Variants in TSPAN14 observed in about 807,000 individuals in gnomAD.
TSPAN14 encodes the protein tetraspanin 14.
TSPAN14 carries 16 observed loss-of-function variants against 36.6 expected under a neutral mutation model. The ratio of observed to expected loss-of-function variants is 0.44; its 90% CI spans 0.30 to 0.66. The LOEUF (loss-of-function observed/expected upper bound fraction) is 0.66. Among genes scored for constraint, TSPAN14 ranks in the 30% least tolerant of loss-of-function variants. TSPAN14 has a pLI of 0.12. For missense variants in TSPAN14, 231 were observed against 355.1 expected (o/e 0.65, Z 2.81); for synonymous variants, 139 against 143.8 (o/e 0.97, Z 0.24).
At chr10:80,464,144 A>G (rs1448341036) in intron 1 of TSPAN14, among the ~76,000 whole-genome samples, 3 of 152,140 alleles carry the variant, frequency 2.0e-5, no homozygotes, top group East Asian at 3.9e-4. Flanking sequence ...GGTTGCAGCA[A>G]GCTGGAGCTG....
chr10:80,509,667 G>A lies in TSPAN14; in HGVS notation c.450+196G>A. The A allele has an allele frequency of 1.6e-6, 1 of 611,866 alleles. No individual in the cohort carries two copies. 37.9% of individuals were successfully genotyped at this position (611,866 alleles called of 1,614,324 possible). A position where few individuals can be genotyped will look rare whatever the true frequency, so the allele number is the denominator to read the frequency against. On this transcript the variant is annotated intron_variant, in intron 5 of 8. Coordinates refer to ENST00000429989, the Ensembl canonical transcript of TSPAN14. The surrounding 1 kb of genome is among the most constrained non-coding windows in gnomAD (Gnocchi z 4.7). The stretch of plus-strand genomic sequence containing the variant: ...CGGCTTGTGGTTGCCTGGTGGGCCA[G>A]CCCTTTCCCATTGGGATTGGGCAGG...
Position 80,509,250 on chromosome 10 carries a change from G to T in TSPAN14, c.280-51G>T, listed in dbSNP as rs745354057. 6.3e-7 allele frequency: 1 copy of T among 1,579,618 alleles called. No homozygotes were observed. Among genetic ancestry groups the T allele is most frequent in the South Asian group, 1.2e-5 (1 of 85,974 alleles). On this transcript the variant is annotated intron_variant, in intron 4 of 8. Transcript: ENST00000429989. This position sits in a 1 kb window ranked among gnomAD's most constrained non-coding sequence, Gnocchi z 4.7. ...GGTCAGGTGGGGTTATGTGTGTGGG[G>T]GTGCAGGCTGGTGGGGTGGTGACTT...
At chr10:80,493,434 C>G (rs370768584) in intron 2 of TSPAN14, among the ~76,000 whole-genome samples, 1 of 152,072 alleles carries the variant, frequency 6.6e-6, no homozygotes, top group African/African-American at 2.4e-5. Context: ...AGCAGGATCT[C>G]GAAGAGATAT....
exon 4 of TSPAN14, chr10:80,507,243 C>G: frequency 1.2e-6 from 2 of 1,614,216 alleles, no homozygotes; most frequent in Non-Finnish European, 1.7e-6. Context: ...GCTGTCCGAC[C>G]TCACCAAAGT....
intron 2 of TSPAN14, among the ~76,000 whole-genome samples, chr10:80,503,710 T>G (rs1382646891): frequency 2.0e-5 from 3 of 152,204 alleles, no homozygotes; most frequent in African/African-American, 7.2e-5. Context: ...GGGCTTTCCT[T>G]GAGCCCTTTC....
chr10:80,470,434 A>T (rs1210218319), intron 1 of TSPAN14, among the ~76,000 whole-genome samples: 1 of 152,228 alleles, frequency 6.6e-6, no homozygotes, highest in Non-Finnish European at 1.5e-5. Context: ...GAACCTGTGG[A>T]TATATGGAAG....
At chr10:80,481,263 A>G (rs543899665) in intron 1 of TSPAN14, among the ~76,000 whole-genome samples, 2 of 152,352 alleles carry the variant, frequency 1.3e-5, no homozygotes, top group South Asian at 4.1e-4. Flanking sequence ...ACTGGTCCAG[A>G]TGGAAGGATC....
chr10:80,512,713 A>G (rs1840724603), intron 6 of TSPAN14, among the ~76,000 whole-genome samples: 1 of 151,934 alleles, frequency 6.6e-6, no homozygotes, highest in South Asian at 2.1e-4. Flanking sequence ...TTTATTTTTG[A>G]GACAGGGTCT....
chr10:80,464,010 A>G (rs561573191), intron 1 of TSPAN14, among the ~76,000 whole-genome samples: 1 of 152,250 alleles, frequency 6.6e-6, no homozygotes, highest in African/African-American at 2.4e-5. Context: ...CTGTGCCCCT[A>G]AAAGTGTGAG....
chr10:80,518,046 C>T (rs1214341032), exon 9 of TSPAN14: 70 of 1,488,994 alleles, frequency 4.7e-5, no homozygotes, highest in Non-Finnish European at 5.8e-5. Context: ...ATCAGCCCTA[C>T]GTCCAGAGGG....
chr10:80,483,730 G>T (rs1166566746), intron 1 of TSPAN14, among the ~76,000 whole-genome samples: 1 of 151,742 alleles, frequency 6.6e-6, no homozygotes, highest in African/African-American at 2.4e-5. Flanking sequence ...CCAACATGGT[G>T]AAACTCCTGT....
chr10:80,473,603 C>T (rs1411565303), intron 1 of TSPAN14, among the ~76,000 whole-genome samples: 3 of 151,436 alleles, frequency 2.0e-5, no homozygotes, highest in Admixed American at 6.6e-5. Context: ...GCCCCCCTGA[C>T]GTTGTGCAGC....
chr10:80,486,105 GCTGTGAGAGTCT>G (rs1305765460), intron 1 of TSPAN14, among the ~76,000 whole-genome samples: 2 of 152,222 alleles, frequency 1.3e-5, no homozygotes, highest in Non-Finnish European at 1.5e-5. Flanking sequence ...TTAGGACGTG[GCTGTGAGAGTCT>G]CTGACGGGTG....
chr10:80,493,022 T>C (rs1848005863), intron 2 of TSPAN14, among the ~76,000 whole-genome samples: 1 of 152,192 alleles, frequency 6.6e-6, no homozygotes, highest in Non-Finnish European at 1.5e-5. Flanking sequence ...GAGAATGGAA[T>C]GGGCTTCATG....
chr10:80,513,979 GAGACGCC>G lies in TSPAN14; in HGVS notation c.577-36_577-30del, dbSNP rs780800949. Reference sequence around the variant, plus strand: ...TAGAGCCTCTTAGCACCAGCTTCTTGAGACGCCAGAAGCAACTAATTTTTCTGCTTTT... The same window carrying G: ...TAGAGCCTCTTAGCACCAGCTTCTTGAGAAGCAACTAATTTTTCTGCTTTT... On this transcript the variant is annotated intron_variant, in intron 6 of 8. Transcript: ENST00000429989. 2.7e-5 allele frequency: 44 copies of G among 1,602,690 alleles called. No individual in the cohort carries two copies. In the East Asian group the frequency reaches 9.2e-4, roughly 33 times the overall value.
chr10:80,465,999 C>A (rs944052634), intron 1 of TSPAN14, among the ~76,000 whole-genome samples: 2 of 152,060 alleles, frequency 1.3e-5, no homozygotes, highest in African/African-American at 4.8e-5. Flanking sequence ...TCTGACTTCT[C>A]TATCTGAGGT....
chr10:80,467,640 A>T (rs910954570), intron 1 of TSPAN14, among the ~76,000 whole-genome samples: 1 of 152,176 alleles, frequency 6.6e-6, no homozygotes, highest in Non-Finnish European at 1.5e-5. Flanking sequence ...AGAAAATGTC[A>T]TCAGATGGAA....
chr10:80,518,345 C>G (rs1841061737), exon 9 of TSPAN14: 1 of 279,096 alleles, frequency 3.6e-6, no homozygotes, highest in South Asian at 4.5e-5. Flanking sequence ...CCACTGGCAT[C>G]CAGACATCTG....
intron 1 of TSPAN14, among the ~76,000 whole-genome samples, chr10:80,483,032 G>A (rs996307563): frequency 6.6e-6 from 1 of 152,008 alleles, no homozygotes; most frequent in East Asian, 1.9e-4. Flanking sequence ...ACTTTGCCCA[G>A]CCAGCCAGTT....
Sources: gnomAD v4.1 joint callset for allele counts (sites outside exome capture counted in the v4.1 genomes callset) on GRCh38, gnomAD v4.1.1 for gene constraint, Gnocchi (gnomAD v3.1) non-coding constraint, MANE v1.5 for transcripts, NCBI Gene and HGNC (gene_info 2026-07-23, HGNC 2026-07-21) for gene names.